The following WDFY4 variants were observed in gnomAD, a reference collection of about 807,000 sequenced individuals.
WDFY4 encodes WD repeat- and FYVE domain-containing protein 4.
A neutral mutation model predicts 351.9 loss-of-function variants in WDFY4; 169 were observed. The observed-to-expected ratio is 0.48, with a 90% CI of 0.42 to 0.55. WDFY4 has a LOEUF of 0.55. Among genes scored for constraint, WDFY4 ranks in the 20% least tolerant of loss-of-function variants. The probability of loss-of-function intolerance (pLI) is 0.00; values close to 1 mark genes in which losing one functional copy is unlikely to be tolerated. For missense variants in WDFY4, 3,803 were observed against 3,935.6 expected (o/e 0.97, Z 0.90); for synonymous variants, 1,622 against 1,574.6 (o/e 1.03, Z -0.71).
At chr10:48,840,509 G>A (rs947320874) in intron 39 of WDFY4, among the ~76,000 whole-genome samples, 1 of 150,234 alleles carries the variant, frequency 6.7e-6, no homozygotes, top group Non-Finnish European at 1.5e-5. Context: ...ACACACACAC[G>A]TGTATATGCA....
At chr10:48,930,085 C>T (rs1839899511) in intron 47 of WDFY4, among the ~76,000 whole-genome samples, 1 of 152,162 alleles carries the variant, frequency 6.6e-6, no homozygotes, top group African/African-American at 2.4e-5. Context: ...CAGTTCCTAG[C>T]ACAGAGTAGG....
intron 47 of WDFY4, among the ~76,000 whole-genome samples, chr10:48,929,810 T>C (rs891110452): frequency 6.6e-6 from 1 of 152,154 alleles, no homozygotes; most frequent in Non-Finnish European, 1.5e-5. Flanking sequence ...GCTGACAGCC[T>C]TGGCCTCCTG....
At chr10:48,823,111 T>A in intron 35 of WDFY4, 2 of 1,299,298 alleles carry the variant, frequency 1.5e-6, no homozygotes, top group South Asian at 2.5e-5. Flanking sequence ...TGTATGTGCA[T>A]GCATATACAC....
At chr10:48,932,063 A>G (rs12255560) in intron 47 of WDFY4, among the ~76,000 whole-genome samples, 5,556 of 152,312 alleles carry the variant, frequency 0.036, 218 homozygotes, top group African/African-American at 0.09. Flanking sequence ...TTGCCAACCC[A>G]GGTTTAGTCT....
intron 47 of WDFY4, among the ~76,000 whole-genome samples, chr10:48,917,046 C>T (rs924222612): frequency 1.3e-5 from 2 of 152,092 alleles, no homozygotes; most frequent in Non-Finnish European, 2.9e-5. Context: ...CCTTGTGTTA[C>T]AATTGCCTAT....
At chr10:48,954,613 G>A (rs764570209) in intron 51 of WDFY4, among the ~76,000 whole-genome samples, 14 of 151,978 alleles carry the variant, frequency 9.2e-5, no homozygotes, top group Middle Eastern at 3.4e-3. Context: ...CCTTCCTTTC[G>A]GAGAATTCAA....
intron 39 of WDFY4, among the ~76,000 whole-genome samples, 180 bp downstream of exon 39, chr10:48,832,889 C>T (rs1030422214): frequency 6.6e-6 from 1 of 152,174 alleles, no homozygotes; most frequent in Non-Finnish European, 1.5e-5. Context: ...TAGGCTGGCT[C>T]CTTGTTCCCA....
chr10:48,726,925 C>T (rs2064288860), intron 6 of WDFY4, among the ~76,000 whole-genome samples: 1 of 152,178 alleles, frequency 6.6e-6, no homozygotes. Flanking sequence ...GGCTCCGCAC[C>T]ACTCTGGTGG....
At position 48,696,931 on chromosome 10, in the gene WDFY4, T is replaced by C. The variant is rs547616945; in HGVS notation, c.-18+11930T>C. ...TGGAGACATTGAGGTTGAGGGAGCC[T>C]GAGTCGCTAAGGTTACAGGTTAGGA... On this transcript the variant is annotated intron_variant, in intron 1 of 61. Coordinates refer to ENST00000325239, the MANE Select transcript of WDFY4 (RefSeq NM_001394531.1). Among the ~76,000 whole-genome samples, 22 of 152,350 alleles carry C rather than the reference T, an allele frequency of 1.4e-4. No homozygotes were observed. The East Asian group carries it at 4.2e-3, about 29-fold the overall frequency.
chr10:48,735,990 G>C lies in WDFY4; in HGVS notation c.1798G>C (p.Glu600Gln). 6.4e-7 allele frequency: 1 copy of C among 1,551,862 alleles called. No homozygotes were observed. Among genetic ancestry groups the C allele is most frequent in the Non-Finnish European group, 8.7e-7 (1 of 1,147,048 alleles). The change falls in exon 11 of 62, where the codon GAG (glutamate) becomes CAG (glutamine). Residue 600 changes from glutamate to glutamine, a missense_variant. Glu to Gln is a conservative substitution (Grantham distance 29). Around this residue, in one of 3 missense-constraint regions of WDFY4, gnomAD observed 261 missense variants for 330.2 expected, o/e 0.79. Coordinates refer to ENST00000325239, the MANE Select transcript of WDFY4 (RefSeq NM_001394531.1). ...ILEQLSAINA[E>Q]EYMSIIVGAL... Reference sequence around the variant, plus strand: ...GGAGCAGCTCTCAGCCATCAACGCCGAGGAGTACATGAGCATCATTGTGGG... The same window carrying C: ...GGAGCAGCTCTCAGCCATCAACGCCCAGGAGTACATGAGCATCATTGTGGG...
chr10:48,982,897 C>T lies in WDFY4; in HGVS notation c.*322C>T, dbSNP rs754210042. The T allele has an allele frequency of 2.8e-5, 11 of 388,688 alleles. No homozygotes were observed. The highest frequency in any genetic ancestry group is 7.1e-5 in the Admixed American group (2 of 28,018). 24.1% of individuals were successfully genotyped at this position (388,688 alleles called of 1,614,324 possible). ...TGCACTGAAAAAAAAAAAGATGGGT[C>T]GCTTACTGGAAATTATTGTATTGTC... On this transcript the variant is annotated 3_prime_UTR_variant, in exon 62 of 62. Coordinates refer to ENST00000325239, the MANE Select transcript of WDFY4 (RefSeq NM_001394531.1).
chr10:48,968,207 T>C (rs1842171486), intron 55 of WDFY4: 1 of 152,210 alleles, frequency 6.6e-6, no homozygotes, highest in Non-Finnish European at 1.5e-5. Context: ...TGCCATGAAG[T>C]GGTGTCTGTC....
chr10:48,775,148 G>A (rs1385630417), intron 14 of WDFY4, among the ~76,000 whole-genome samples: 2 of 152,188 alleles, frequency 1.3e-5, no homozygotes, highest in East Asian at 3.9e-4. Context: ...CATTCCTGGA[G>A]AGCCATGGCA....
chr10:48,749,129 A>G (rs535163474), intron 12 of WDFY4, among the ~76,000 whole-genome samples: 1 of 152,320 alleles, frequency 6.6e-6, no homozygotes, highest in South Asian at 2.1e-4. Flanking sequence ...TCAGCTTTTT[A>G]CAATGGACTA....
intron 12 of WDFY4, 78 bp from the exon 13 acceptor site, chr10:48,760,269 A>G: frequency 7.8e-7 from 1 of 1,288,198 alleles, no homozygotes; most frequent in Non-Finnish European, 1.1e-6. Context: ...CTTAGAAAGA[A>G]AGATCCAGGA....
At chr10:48,869,858 T>C (rs1053827341) in intron 40 of WDFY4, among the ~76,000 whole-genome samples, 1 of 152,214 alleles carries the variant, frequency 6.6e-6, no homozygotes, top group East Asian at 1.9e-4. Context: ...TCTTGTTCAG[T>C]CTCTATCTAC....
At chr10:48,716,955 C>A (rs1404416843) in intron 2 of WDFY4, among the ~76,000 whole-genome samples, 1 of 152,196 alleles carries the variant, frequency 6.6e-6, no homozygotes, top group African/African-American at 2.4e-5. Flanking sequence ...AGTTGGCTTG[C>A]AGGTGGCAGC....
intron 12 of WDFY4, among the ~76,000 whole-genome samples, chr10:48,752,568 C>T (rs903881972): frequency 1.3e-5 from 2 of 152,240 alleles, no homozygotes; most frequent in Non-Finnish European, 2.9e-5. Flanking sequence ...CCTGGGCTAC[C>T]ACCAATCTGC....
chr10:48,831,937 C>G (rs184871221), intron 38 of WDFY4, among the ~76,000 whole-genome samples: 55 of 152,300 alleles, frequency 3.6e-4, no homozygotes, highest in African/African-American at 1.3e-3. Context: ...TTAATCACCT[C>G]CCAAAAGGTC....
Sources: allele counts gnomAD v4.1 joint callset (sites outside exome capture counted in the v4.1 genomes callset), GRCh38; gene constraint gnomAD v4.1.1; regional missense constraint gnomAD v4.1.1; transcripts MANE v1.5; gene names NCBI Gene and HGNC (gene_info 2026-07-23, HGNC 2026-07-21).